CDCA5: variants seen among roughly 807,000 people sequenced by gnomAD.
CDCA5 encodes the protein cell division cycle associated 5.
A neutral mutation model predicts 25.7 loss-of-function variants in CDCA5; 14 were observed. The observed-to-expected ratio is 0.54, with a 90% CI of 0.36 to 0.85. The LOEUF (loss-of-function observed/expected upper bound fraction) is 0.85, where lower values mean the gene tolerates loss of function less well. Among genes scored for constraint, CDCA5 ranks in the 40% least tolerant of loss-of-function variants. CDCA5 has a pLI of 0.01. For missense variants in CDCA5, 307 were observed against 324.5 expected (o/e 0.95, Z 0.41); for synonymous variants, 127 against 128.7 (o/e 0.99, Z 0.09).
At chr11:65,069,256 A>AAC in intron 1 of CDCA5, among the ~76,000 whole-genome samples, 1 of 150,654 alleles carries the variant, frequency 6.6e-6, no homozygotes, top group East Asian at 2.0e-4. Flanking sequence ...AAAAAAAAAA[A>AAC]GCTGAAGTTA....
chr11:65,068,485 C>T (rs564791860), intron 2 of CDCA5: 2 of 1,285,672 alleles, frequency 1.6e-6, no homozygotes, highest in East Asian at 1.1e-4. Flanking sequence ...GGTTTCCCAT[C>T]ACCTCCAAGT....
chr11:65,061,169 C>A, the CDCA5 span, among the ~76,000 whole-genome samples: 1 of 152,178 alleles, frequency 6.6e-6, no homozygotes, highest in African/African-American at 2.4e-5. Context: ...CACGTGGCCT[C>A]CCGGACACCA....
At chr11:65,079,808 G>C in intron 4 of CDCA5, 21 bp from the exon 5 acceptor site, 1 of 1,451,088 alleles carries the variant, frequency 6.9e-7, no homozygotes, top group South Asian at 1.5e-5. Flanking sequence ...ACAGAAGAGG[G>C]GATGCCCTCA....
rs1040904354 is a variant in CDCA5, at chr11:65,078,817, G to A, written c.*290C>T. The A allele has an allele frequency of 2.6e-6, 3 of 1,153,318 alleles. No individual in the cohort carries two copies. Among genetic ancestry groups the A allele is most frequent in the Admixed American group, 4.6e-5 (1 of 21,754 alleles). 71.4% of individuals were successfully genotyped at this position (1,153,318 alleles called of 1,614,324 possible). ...GCTGGGCCACTGATTCTCCTCCCCA[G>A]TCTGTGGCCCATCTGGAAACTGGCT... On this transcript the variant is annotated 3_prime_UTR_variant, in exon 6 of 6. Coordinates refer to ENST00000275517, the MANE Select transcript of CDCA5 (RefSeq NM_080668.4).
At chr11:65,071,153 A>AG (rs1259337394) in intron 1 of CDCA5, among the ~76,000 whole-genome samples, 7 of 151,716 alleles carry the variant, frequency 4.6e-5, no homozygotes, top group African/African-American at 7.3e-5. Context: ...CGTGTTAGCC[A>AG]GGATGGTCTC....
intron 1 of CDCA5, among the ~76,000 whole-genome samples, chr11:65,070,381 C>T (rs1022113248): frequency 3.3e-5 from 5 of 152,204 alleles, no homozygotes; most frequent in African/African-American, 9.6e-5. Context: ...TGGGTCTTAA[C>T]GGTGGTATGG....
chr11:65,068,713 C>T, intron 1 of CDCA5: 2 of 445,526 alleles, frequency 4.5e-6, no homozygotes, highest in Non-Finnish European at 4.0e-6. Flanking sequence ...CGTCTATCAC[C>T]AGCTCTGTCC....
At chr11:65,080,620 T>A (rs74483671) in intron 4 of CDCA5, among the ~76,000 whole-genome samples, 19,025 of 151,828 alleles carry the variant, frequency 0.13, 1,921 homozygotes, top group African/African-American at 0.28. Flanking sequence ...AGGTCTCCCT[T>A]TGTTGCCCAG....
chr11:65,067,739 T>A, exon 4 of CDCA5: 1 of 1,289,510 alleles, frequency 7.8e-7, no homozygotes, highest in Non-Finnish European at 1.0e-6. Flanking sequence ...CTGGTACTCC[T>A]GGATCTCCGA....
At chr11:65,069,426 T>C (rs910007755) in intron 1 of CDCA5, among the ~76,000 whole-genome samples, 6 of 151,872 alleles carry the variant, frequency 4.0e-5, no homozygotes, top group African/African-American at 1.5e-4. Context: ...CTTGTGGCTG[T>C]GTTATATTGT....
intron 4 of CDCA5, 73 bp downstream of exon 4, chr11:65,083,291 G>A: frequency 6.4e-7 from 1 of 1,565,100 alleles, no homozygotes; most frequent in Non-Finnish European, 8.8e-7. Context: ...GCAGATGTGA[G>A]GAGCCAATGT....
intron 5 of CDCA5, chr11:65,066,785 G>T: frequency 7.8e-7 from 1 of 1,289,316 alleles, no homozygotes; most frequent in Non-Finnish European, 1.0e-6. Flanking sequence ...GCAAGACAAA[G>T]AAATGGGGTC....
At chr11:65,082,090 C>T (rs1036214493) in intron 4 of CDCA5, among the ~76,000 whole-genome samples, 4 of 152,326 alleles carry the variant, frequency 2.6e-5, no homozygotes, top group Admixed American at 2.6e-4. Context: ...TAGCTCACGC[C>T]CTTGGCTTCA....
chr11:65,075,698 G>C (rs1418518001), downstream of CDCA5, among the ~76,000 whole-genome samples: 1 of 152,204 alleles, frequency 6.6e-6, no homozygotes, highest in African/African-American at 2.4e-5. Context: ...TGCTGGATGA[G>C]CAGAGCTTCA....
In CDCA5 at chr11:65,079,662, C is replaced by T. The variant is rs376171306; in HGVS notation, c.369G>A (p.Glu123=). The part of the protein sequence containing the change: ...TSTPVPNPEA[E]SSSKEGELDA... ...CCAGCTCTCCTTCCTTGGAGCTGGA[C>T]TCGGCCTCAGGGTTCGGCACAGGAG... Residue 123 remains glutamate (E), a synonymous_variant, in exon 5 of 6, where the codon GAG becomes GAA. Coordinates refer to ENST00000275517, the MANE Select transcript of CDCA5 (RefSeq NM_080668.4). 196 of 1,604,402 alleles carry T rather than the reference C, an allele frequency of 1.2e-4. 2 individuals carry two copies. In the South Asian group the frequency reaches 1.7e-3, roughly 14 times the overall value.
In CDCA5 at chr11:65,078,186, T is replaced by C; in HGVS notation, c.*921A>G. On this transcript the variant is annotated 3_prime_UTR_variant, in exon 6 of 6. Coordinates refer to ENST00000275517, the MANE Select transcript of CDCA5 (RefSeq NM_080668.4). ...GGTCTGGGACTCTTCAACTTTCTCT[T>C]CTAGGGCCAAGTAGACTCGGTGTAA... 3 of 985,432 alleles carry C rather than the reference T, an allele frequency of 3.0e-6. No individual in the cohort carries two copies. The highest frequency in any genetic ancestry group is 3.6e-6 in the Non-Finnish European group (3 of 829,944). 61.0% of individuals were successfully genotyped at this position (985,432 alleles called of 1,614,324 possible). A position where few individuals can be genotyped will look rare whatever the true frequency, so the allele number is the denominator to read the frequency against.
downstream of CDCA5, among the ~76,000 whole-genome samples, chr11:65,063,205 T>TC (rs1181979622): frequency 6.6e-6 from 1 of 152,206 alleles, no homozygotes. Context: ...GCAGGTGCCC[T>TC]CACAAGATGG....
intron 3 of CDCA5, chr11:65,067,894 G>A (rs756497048): frequency 2.3e-6 from 2 of 860,820 alleles, no homozygotes; most frequent in Admixed American, 2.4e-5. Context: ...CCAGGACTGA[G>A]TCCTAGCCCA....
At chr11:65,069,919 G>A (rs147335938) in intron 1 of CDCA5, among the ~76,000 whole-genome samples, 3 of 152,356 alleles carry the variant, frequency 2.0e-5, no homozygotes, top group East Asian at 1.9e-4. Context: ...GGAGGCCTCA[G>A]GTTTGCAGCT....
Sources: allele counts gnomAD v4.1 joint callset (sites outside exome capture counted in the v4.1 genomes callset), GRCh38; gene constraint gnomAD v4.1.1; transcripts MANE v1.5; gene names NCBI Gene and HGNC (gene_info 2026-07-23, HGNC 2026-07-21).